Variants in AMBRA1 observed in about 807,000 individuals in gnomAD.
AMBRA1 encodes autophagy and beclin 1 regulator 1, also known as activating molecule in BECN1-regulated autophagy protein 1.
In AMBRA1, 47 loss-of-function variants were observed where a neutral mutation model predicts 125.4. The observed-to-expected ratio is 0.37, with a 90% CI of 0.30 to 0.48. The LOEUF is 0.48. AMBRA1 is among the 20% of genes least tolerant of loss of function. The pLI, the probability that AMBRA1 is intolerant of heterozygous loss-of-function variation, is 0.99. For synonymous variants in AMBRA1, 626 were observed against 655.5 expected (o/e 0.95, Z 0.69); for missense variants, 1,331 against 1,693.4 (o/e 0.79, Z 3.76).
At chr11:46,516,668 C>G (rs775669050) in intron 7 of AMBRA1, among the ~76,000 whole-genome samples, 1 of 151,952 alleles carries the variant, frequency 6.6e-6, no homozygotes, top group Non-Finnish European at 1.5e-5. Context: ...CTCCTGACCT[C>G]ATGATCCGCC....
At position 46,420,222 on chromosome 11, in the gene AMBRA1, G is replaced by C. The variant is rs149092457; in HGVS notation, c.2977-2170C>G. Reference sequence around the variant, plus strand: ...CTTCCTGTAGGACTCAACTCCAAATGTAAGGAACTCGTTAAGGCTCCTTAA... The same window carrying C: ...CTTCCTGTAGGACTCAACTCCAAATCTAAGGAACTCGTTAAGGCTCCTTAA... On this transcript the variant is annotated intron_variant, in intron 14 of 17. Transcript: ENST00000683756. 3.3e-5 allele frequency among the ~76,000 whole-genome samples: 5 copies of C among 152,308 alleles called. No homozygotes were observed. In the East Asian group the frequency reaches 9.6e-4, roughly 29 times the overall value.
At chr11:46,588,287 G>C (rs1027412640) in intron 1 of AMBRA1, among the ~76,000 whole-genome samples, 3 of 152,222 alleles carry the variant, frequency 2.0e-5, no homozygotes, top group Middle Eastern at 3.4e-3. Context: ...AGCCAAGATA[G>C]CGCAGCTGCA....
intron 1 of AMBRA1, among the ~76,000 whole-genome samples, chr11:46,566,619 CCCCT>C (rs2043542801): frequency 6.6e-6 from 1 of 152,104 alleles, no homozygotes; most frequent in Non-Finnish European, 1.5e-5. Flanking sequence ...AGCTACCTAA[CCCCT>C]GAAGGCATTC....
At chr11:46,568,135 G>A (rs912478931) in intron 1 of AMBRA1, among the ~76,000 whole-genome samples, 4 of 150,838 alleles carry the variant, frequency 2.7e-5, no homozygotes, top group South Asian at 2.1e-4. Flanking sequence ...GAGACAGAGT[G>A]AGACTCTGTC....
intron 7 of AMBRA1, 56 bp downstream of exon 7, chr11:46,541,889 G>A: frequency 6.3e-7 from 1 of 1,586,922 alleles, no homozygotes; most frequent in South Asian, 1.2e-5. Flanking sequence ...AGGACTCAAG[G>A]AAATGATACA....
chr11:46,464,413 CCTTCCTGAGATGGT>C (rs948814102), intron 11 of AMBRA1, among the ~76,000 whole-genome samples: 1 of 152,056 alleles, frequency 6.6e-6, no homozygotes, highest in African/African-American at 2.4e-5. Flanking sequence ...TCACTATGCA[CCTTCCTGAGATGGT>C]CTAAACTAAA....
intron 1 of AMBRA1, among the ~76,000 whole-genome samples, chr11:46,579,697 G>A (rs898204022): frequency 7.9e-5 from 12 of 152,194 alleles, no homozygotes; most frequent in African/African-American, 2.6e-4. Flanking sequence ...TACTTCTTAT[G>A]AGGAAACAGA....
At chr11:46,428,825 A>C in intron 14 of AMBRA1, 4 of 1,611,410 alleles carry the variant, frequency 2.5e-6, no homozygotes, top group Non-Finnish European at 3.4e-6. Context: ...CTCACCCTCC[A>C]GACCTTTAGG....
At chr11:46,452,873 A>T (rs1948679414) in intron 11 of AMBRA1, among the ~76,000 whole-genome samples, 1 of 152,164 alleles carries the variant, frequency 6.6e-6, no homozygotes, top group Non-Finnish European at 1.5e-5. Context: ...ACATTGAGAA[A>T]AATGCCCAAA....
At chr11:46,496,116 G>C (rs747601193) in intron 9 of AMBRA1, among the ~76,000 whole-genome samples, 4 of 151,990 alleles carry the variant, frequency 2.6e-5, no homozygotes, top group Non-Finnish European at 4.4e-5. Context: ...GCTCACACCT[G>C]TAATCCCAAC....
intron 17 of AMBRA1, among the ~76,000 whole-genome samples, chr11:46,398,468 G>A (rs1945561097): frequency 6.6e-6 from 1 of 152,190 alleles, no homozygotes; most frequent in South Asian, 2.1e-4. Context: ...AAGCCCCTGA[G>A]GAAGCTGAGA....
In AMBRA1 at chr11:46,549,600, A is replaced by G. The variant is rs537215381; in HGVS notation, c.-120-1100T>C. On this transcript the variant is annotated intron_variant, in intron 1 of 17. Transcript: ENST00000683756. ...TCTGCCTCATAACCACAATAACAATACTATACCAATTATCATCTAATACTT... is the reference window on the plus strand; with the variant it reads ...TCTGCCTCATAACCACAATAACAATGCTATACCAATTATCATCTAATACTT... Among the ~76,000 whole-genome samples, 12 of 152,282 alleles carry G rather than the reference A, an allele frequency of 7.9e-5. No individual in the cohort carries two copies. In the South Asian group the frequency reaches 1.9e-3, roughly 24 times the overall value.
At chr11:46,510,543 G>T (rs1477318261) in intron 8 of AMBRA1, among the ~76,000 whole-genome samples, 1 of 152,154 alleles carries the variant, frequency 6.6e-6, no homozygotes, top group Non-Finnish European at 1.5e-5. Flanking sequence ...TACTTTATAG[G>T]CTACCCTAAG....
In AMBRA1 at chr11:46,542,936, C is replaced by T. The variant is rs1438268602; in HGVS notation, c.1081G>A (p.Asp361Asn). 6.2e-7 allele frequency: 1 copy of T among 1,610,008 alleles called. No homozygotes were observed. The highest frequency in any genetic ancestry group is 8.5e-7 in the Non-Finnish European group (1 of 1,179,954). Residue 361 changes from aspartate to asparagine, a missense_variant, in exon 7 of 18, where the codon GAC becomes AAC. Physicochemically the swap from Asp to Asn is conservative, Grantham distance 23. Coordinates refer to ENST00000683756, the MANE Select transcript of AMBRA1 (RefSeq NM_001387011.1). This position sits in a 1 kb window ranked among gnomAD's most constrained non-coding sequence, Gnocchi z 5.9. The part of the protein sequence containing the change: ...PPEQASSTQQ[D>N]QGLLNRPSAF... ...GACGGCCGGTTCAGGAGGCCCTGGT[C>T]CTGCTGCGTTGACGAGGCCTGCTCC...
chr11:46,515,001 T>G (rs1057275645), intron 7 of AMBRA1, among the ~76,000 whole-genome samples: 1 of 152,168 alleles, frequency 6.6e-6, no homozygotes, highest in Non-Finnish European at 1.5e-5. Flanking sequence ...TGGGTGTGAG[T>G]TGAAGAATGG....
intron 12 of AMBRA1, among the ~76,000 whole-genome samples, chr11:46,436,048 T>G (rs1351258810): frequency 6.6e-6 from 1 of 152,212 alleles, no homozygotes; most frequent in Non-Finnish European, 1.5e-5. Flanking sequence ...CTTTGTCTCA[T>G]GTAGATATAC....
chr11:46,585,705 T>C lies in AMBRA1; in HGVS notation c.-121+8123A>G, dbSNP rs865799446. ...AAAAAAAAAAAAAAAAATATATATA[T>C]ATATATATATATATATATTCCTAGC... is the stretch of plus-strand genomic sequence containing the variant. On this transcript the variant is annotated intron_variant, in intron 1 of 17. Transcript: ENST00000683756. Among the ~76,000 whole-genome samples, 13 of 81,648 alleles carry C rather than the reference T, an allele frequency of 1.6e-4. 2 individuals are homozygous for C. Among genetic ancestry groups the C allele is most frequent in the African/African-American group, 6.0e-4 (13 of 21,782 alleles). The allele number at this position is 81,648 out of a possible 152,430, so 53.6% of individuals were successfully genotyped here. A position where few individuals can be genotyped will look rare whatever the true frequency, so the allele number is the denominator to read the frequency against.
intron 7 of AMBRA1, among the ~76,000 whole-genome samples, chr11:46,539,445 T>C (rs1952632961): frequency 6.6e-6 from 1 of 152,018 alleles, no homozygotes; most frequent in Admixed American, 6.6e-5. Context: ...TAATACCAGC[T>C]ACCCGGGAGG....
rs1307305938 is a variant in AMBRA1 at position 46,521,799 on chromosome 11, CCT to C, written c.2073-8988_2073-8987del. 2.0e-5 allele frequency among the ~76,000 whole-genome samples: 3 copies of C among 152,142 alleles called. No homozygotes were observed. The East Asian group carries it at 5.8e-4, about 29-fold the overall frequency. On this transcript the variant is annotated intron_variant, in intron 7 of 17. Transcript: ENST00000683756. ...CAGAGACTGGCAGGCAATTCCTGCC[CCT>C]GATGTGAGGTGGGCCAAGGCAAGGT...
Sources: gnomAD v4.1 joint callset for allele counts (sites outside exome capture counted in the v4.1 genomes callset) on GRCh38, gnomAD v4.1.1 for gene constraint, Gnocchi (gnomAD v3.1) non-coding constraint, MANE v1.5 for transcripts, NCBI Gene and HGNC (gene_info 2026-07-23, HGNC 2026-07-21) for gene names.